WIF1: variants seen among roughly 807,000 people sequenced by gnomAD.
WIF1 encodes the protein Wnt inhibitory factor 1.
A neutral mutation model predicts 53.5 loss-of-function variants in WIF1; 35 were observed. The observed-to-expected ratio is 0.65, with a 90% CI of 0.50 to 0.87. The LOEUF (loss-of-function observed/expected upper bound fraction) is 0.87. Ranked by LOEUF, WIF1 falls within the 40% of genes least tolerant of loss-of-function variation. The pLI, the probability that WIF1 is intolerant of heterozygous loss-of-function variation, is 0.00. For missense variants in WIF1, 467 were observed against 476.8 expected (o/e 0.98, Z 0.19); for synonymous variants, 171 against 170.4 (o/e 1.00, Z -0.03).
chr12:65,107,728 C>T (rs1565760368), intron 2 of WIF1, among the ~76,000 whole-genome samples: 4 of 152,318 alleles, frequency 2.6e-5, no homozygotes, highest in South Asian at 2.1e-4. Context: ...TGAAATAGCC[C>T]TTGGAAACAA....
In WIF1 at chr12:65,073,605, T is replaced by A. The variant is rs150010590; in HGVS notation, c.397+4141A>T. Among the ~76,000 whole-genome samples the A allele has an allele frequency of 3.1e-3, 473 of 152,302 alleles. 2 individuals are homozygous for A. The highest frequency in any genetic ancestry group is 0.01 in the African/African-American group (435 of 41,562). ...TTTCTTCATGCAATATTTAGGCATATAGGAGTCTGTAGGATAAAAGAACAG... is the reference window on the plus strand; with the variant it reads ...TTTCTTCATGCAATATTTAGGCATAAAGGAGTCTGTAGGATAAAAGAACAG... On this transcript the variant is annotated intron_variant, in intron 3 of 9. Coordinates refer to ENST00000286574, the MANE Select transcript of WIF1 (RefSeq NM_007191.5).
intron 2 of WIF1, among the ~76,000 whole-genome samples, chr12:65,097,511 G>T (rs1016756700): frequency 6.6e-6 from 1 of 152,128 alleles, no homozygotes; most frequent in African/African-American, 2.4e-5. Flanking sequence ...ATTTTATTCA[G>T]GTTAGTCTCA....
chr12:65,094,335 G>A (rs1045868649), intron 2 of WIF1, among the ~76,000 whole-genome samples: 3 of 152,074 alleles, frequency 2.0e-5, no homozygotes, highest in East Asian at 1.9e-4. Context: ...ATACTTTTCC[G>A]ACAAATCATT....
Position 65,068,917 on chromosome 12 carries a change from A to T in WIF1, c.398-13T>A. ...CCAACTTGAACAACTAAAAGAAAAA[A>T]AGAGAAAGTGTGGAGAAATAGTTAA... is the stretch of plus-strand genomic sequence containing the variant. On this transcript the variant is annotated splice_polypyrimidine_tract_variant and intron_variant, in intron 3 of 9. Transcript: ENST00000286574. The T allele has an allele frequency of 1.2e-6, 2 of 1,609,838 alleles. No homozygotes were observed. Among genetic ancestry groups the T allele is most frequent in the Non-Finnish European group, 1.7e-6 (2 of 1,178,644 alleles).
chr12:65,057,924 T>G (rs1252765958), intron 7 of WIF1, among the ~76,000 whole-genome samples: 2 of 152,202 alleles, frequency 1.3e-5, no homozygotes, highest in Non-Finnish European at 1.5e-5. Context: ...CAGTATTTAG[T>G]CATTGTGGAG....
At position 65,050,946 on chromosome 12, in the gene WIF1, A is replaced by G. The variant is rs768511394; in HGVS notation, c.*403T>C. The G allele has an allele frequency of 1.3e-5, 3 of 231,446 alleles. No individual in the cohort carries two copies. The highest frequency in any genetic ancestry group is 2.2e-5 in the African/African-American group (1 of 45,232). 14.3% of individuals were successfully genotyped at this position (231,446 alleles called of 1,614,324 possible). On this transcript the variant is annotated 3_prime_UTR_variant, in exon 10 of 10. Transcript: ENST00000286574. ...TAAATATCTGACAATAAAATCTGAA[A>G]TGCTGTAACTTCAACATTAACTGCA... is the stretch of plus-strand genomic sequence containing the variant.
At position 65,106,718 on chromosome 12, in the gene WIF1, C is replaced by T. The variant is rs1388371335; in HGVS notation, c.288+13699G>A. 2.6e-5 allele frequency among the ~76,000 whole-genome samples: 4 copies of T among 152,188 alleles called. No homozygotes were observed. The East Asian group carries it at 7.7e-4, about 29-fold the overall frequency. The stretch of plus-strand genomic sequence containing the variant: ...CATGTTCAACCAGAGGCTGAGAGAC[C>T]ACAATTAATTGATACTTTGGAGAAA... On this transcript the variant is annotated intron_variant, in intron 2 of 9. Transcript: ENST00000286574.
At chr12:65,066,401 T>C (rs1375937206) in intron 6 of WIF1, among the ~76,000 whole-genome samples, 2 of 152,090 alleles carry the variant, frequency 1.3e-5, no homozygotes, top group Non-Finnish European at 2.9e-5. Flanking sequence ...AGTCACTGCA[T>C]GGAGAAGAGC....
chr12:65,056,209 C>T, intron 7 of WIF1, 83 bp from the exon 8 acceptor site: 1 of 1,309,332 alleles, frequency 7.6e-7, no homozygotes, highest in Non-Finnish European at 1.1e-6. Flanking sequence ...AATTACAAGG[C>T]TTTGAGAGGA....
Position 65,068,867 on chromosome 12 carries a change from A to T in WIF1, c.435T>A (p.Asp145Glu), listed in dbSNP as rs1882730115. The T allele has an allele frequency of 1.2e-6, 2 of 1,613,514 alleles. No homozygotes were observed. The change falls in exon 4 of 10, where the codon GAT becomes GAA. Residue 145 changes from aspartate (D) to glutamate (E), a missense_variant. Coordinates refer to ENST00000286574, the MANE Select transcript of WIF1 (RefSeq NM_007191.5). Reference sequence around the variant, plus strand: ...CATCCACTTCAAATGCTGCCACCCCATCCTGTTTTCCAAGACATGGGAAAC... The same window carrying T: ...CATCCACTTCAAATGCTGCCACCCCTTCCTGTTTTCCAAGACATGGGAAAC... The part of the protein sequence containing the change: ...QVGFPCLGKQ[D>E]GVAAFEVDVI...
At chr12:65,107,052 A>C (rs1883362469) in intron 2 of WIF1, among the ~76,000 whole-genome samples, 1 of 152,224 alleles carries the variant, frequency 6.6e-6, no homozygotes, top group Admixed American at 6.5e-5. Flanking sequence ...TGAGCTATTG[A>C]AATGAGTGAC....
intron 2 of WIF1, among the ~76,000 whole-genome samples, chr12:65,111,393 AC>A (rs1373912010): frequency 6.6e-6 from 1 of 152,132 alleles, no homozygotes; most frequent in African/African-American, 2.4e-5. Flanking sequence ...CACATGATGG[AC>A]AAAGCCCTCT....
chr12:65,055,054 G>A (rs1397351312), intron 9 of WIF1, 64 bp downstream of exon 9: 4 of 1,541,314 alleles, frequency 2.6e-6, no homozygotes, highest in African/African-American at 1.4e-5. Flanking sequence ...CCTTCTTCTG[G>A]TCTCCCACTC....
chr12:65,104,578 T>C (rs1883327380), intron 2 of WIF1, among the ~76,000 whole-genome samples: 1 of 152,158 alleles, frequency 6.6e-6, no homozygotes, highest in Non-Finnish European at 1.5e-5. Context: ...AGTGAGAATA[T>C]CAGTAGTGCT....
At chr12:65,105,785 A>G (rs949556433) in intron 2 of WIF1, among the ~76,000 whole-genome samples, 2 of 151,906 alleles carry the variant, frequency 1.3e-5, no homozygotes, top group Non-Finnish European at 2.9e-5. Context: ...ACTGGGCCCC[A>G]CCTCCCAACA....
chr12:65,066,737 C>T lies in WIF1; in HGVS notation c.635-1G>A. 1 of 1,590,144 alleles carries T rather than the reference C, an allele frequency of 6.3e-7. No individual in the cohort carries two copies. The highest frequency in any genetic ancestry group is 1.2e-5 in the South Asian group (1 of 86,524). ...TTCATACATCGTGGGGTACAAAGGG[C>T]TTATAGGGAGAGAGAACCCTGATTA... is the stretch of plus-strand genomic sequence containing the variant. On this transcript the variant is annotated splice_acceptor_variant, in intron 5 of 9. Coordinates refer to ENST00000286574, the MANE Select transcript of WIF1 (RefSeq NM_007191.5). LOFTEE classifies it high-confidence loss of function.
At chr12:65,072,182 C>A (rs1882794536) in intron 3 of WIF1, among the ~76,000 whole-genome samples, 1 of 152,124 alleles carries the variant, frequency 6.6e-6, no homozygotes, top group Admixed American at 6.6e-5. Flanking sequence ...GTGCTCTGCG[C>A]AAACTATTTC....
intron 2 of WIF1, among the ~76,000 whole-genome samples, chr12:65,090,537 G>A (rs1883106900): frequency 6.6e-6 from 1 of 152,138 alleles, no homozygotes; most frequent in Non-Finnish European, 1.5e-5. Context: ...GGGGTTCTTT[G>A]AGAATGTGTG....
chr12:65,087,610 T>C (rs1883058483), intron 2 of WIF1, among the ~76,000 whole-genome samples: 1 of 152,104 alleles, frequency 6.6e-6, no homozygotes, highest in Non-Finnish European at 1.5e-5. Context: ...AGTATCAACT[T>C]ATTCTTTGAT....
Sources: gnomAD v4.1 joint callset for allele counts (sites outside exome capture counted in the v4.1 genomes callset) on GRCh38, gnomAD v4.1.1 for gene constraint, MANE v1.5 for transcripts, NCBI Gene and HGNC (gene_info 2026-07-23, HGNC 2026-07-21) for gene names.